Variants in WDR4 observed in about 807,000 individuals in gnomAD.
WDR4 encodes the protein WDR4 tRNA N7-guanosine methyltransferase non-catalytic subunit.
WDR4 carries 47 observed loss-of-function variants against 48.6 expected under a neutral mutation model. The observed-to-expected ratio is 0.97, with a 90% CI of 0.77 to 1.23. WDR4 has a LOEUF of 1.23. Among genes scored for constraint, WDR4 ranks in the 50% most tolerant of loss-of-function variants. The pLI is 0.00. For synonymous variants in WDR4, 268 were observed against 230.0 expected, an observed-to-expected ratio of 1.17 and a Z score of -1.49; for missense variants, 606 against 551.6, an observed-to-expected ratio of 1.10 and a Z score of -0.99.
the WDR4 span, among the ~76,000 whole-genome samples, chr21:42,892,111 G>A: frequency 5.9e-5 from 9 of 151,850 alleles, no homozygotes; most frequent in Admixed American, 2.0e-4. Flanking sequence ...AAATTTAGCC[G>A]GGCGTGGTGG....
intron 10 of WDR4, among the ~76,000 whole-genome samples, chr21:42,850,509 G>A (rs1569311636): frequency 1.3e-5 from 2 of 152,286 alleles, no homozygotes; most frequent in South Asian, 4.1e-4. Context: ...CCTCCACCCC[G>A]CCAGCACTCT....
At chr21:42,845,397 G>A (rs1275434865), downstream of WDR4, among the ~76,000 whole-genome samples, 6 of 152,192 alleles carry the variant, frequency 3.9e-5, no homozygotes, top group South Asian at 2.1e-4. Flanking sequence ...TCTCCTTCCC[G>A]GAGGGGCCCT....
chr21:42,873,331 G>T lies in WDR4; in HGVS notation c.296+220C>A, dbSNP rs553726215. Among the ~76,000 whole-genome samples, 43 of 152,312 alleles carry T rather than the reference G, an allele frequency of 2.8e-4. 1 individual carries two copies. In the South Asian group the frequency reaches 8.5e-3, roughly 30 times the overall value. The stretch of plus-strand genomic sequence containing the variant: ...CTGCTATCTAACTGTTCACCACCCA[G>T]CGTGGGACAGAACAGCACCCCTGCA... On this transcript the variant is annotated intron_variant, in intron 3 of 10. Transcript: ENST00000398208.
Position 42,862,391 on chromosome 21 carries a change from C to A in WDR4, c.457G>T (p.Val153Leu), listed in dbSNP as rs1298264193. 8 of 1,602,308 alleles carry A rather than the reference C, an allele frequency of 5.0e-6. No homozygotes were observed. The highest frequency in any genetic ancestry group is 8.5e-7 in the Non-Finnish European group (1 of 1,174,358). Residue 153 changes from valine to leucine, a missense_variant, in exon 5 of 11, where the codon GTG (valine) becomes TTG (leucine). Transcript: ENST00000398208. The surrounding 1 kb of genome is among the most constrained non-coding windows in gnomAD (Gnocchi z 4.3). Reference sequence around the variant, plus strand: ...AGGATGAAGCGGTCATCAGGACTCACAGCCTGCATCACCAGGGGCCAGAAA... The same window carrying A: ...AGGATGAAGCGGTCATCAGGACTCAAAGCCTGCATCACCAGGGGCCAGAAA... ...GHLSMLLDVA[V>L]SPDDRFILTA...
intron 3 of WDR4, among the ~76,000 whole-genome samples, chr21:42,867,174 T>C (rs1238713722): frequency 6.6e-6 from 1 of 152,174 alleles, no homozygotes; most frequent in Non-Finnish European, 1.5e-5. Flanking sequence ...GCAGATCACC[T>C]GAGGTCAGGA....
At position 42,850,701 on chromosome 21, in the gene WDR4, G is replaced by A. The variant is rs367829713; in HGVS notation, c.1046-459C>T. The stretch of plus-strand genomic sequence containing the variant: ...GGTGAAGCTGAGATGGCCACCTGCA[G>A]AGACACAGCTCAGCTGAGTCCGGAC... On this transcript the variant is annotated intron_variant, in intron 10 of 10. Coordinates refer to ENST00000398208, the MANE Select transcript of WDR4 (RefSeq NM_018669.6). Among the ~76,000 whole-genome samples, 11 of 152,328 alleles carry A rather than the reference G, an allele frequency of 7.2e-5. 1 individual carries two copies. The highest frequency in any genetic ancestry group is 2.4e-5 in the African/African-American group (1 of 41,578).
intron 5 of WDR4, among the ~76,000 whole-genome samples, chr21:42,860,627 A>G (rs906421353): frequency 6.6e-5 from 10 of 152,252 alleles, no homozygotes; most frequent in East Asian, 1.9e-4. Flanking sequence ...ACGGCACCAC[A>G]GCACCAACAG....
chr21:42,889,915 T>G, the WDR4 span, among the ~76,000 whole-genome samples: 7 of 152,104 alleles, frequency 4.6e-5, no homozygotes, highest in African/African-American at 1.7e-4. Context: ...TTATTACTTG[T>G]GTTTTAAAAC....
intron 9 of WDR4, among the ~76,000 whole-genome samples, chr21:42,852,863 C>T (rs2057870993): frequency 6.7e-6 from 1 of 150,006 alleles, no homozygotes. Flanking sequence ...CGCGGTGAGC[C>T]GAGATAGCGC....
At chr21:42,887,215 C>T in the WDR4 span, among the ~76,000 whole-genome samples, 1 of 152,022 alleles carries the variant, frequency 6.6e-6, no homozygotes, top group Non-Finnish European at 1.5e-5. Flanking sequence ...TGGTCTAGAA[C>T]TCCCAACCTC....
intron 4 of WDR4, 95 bp downstream of exon 4, chr21:42,863,345 T>C (rs1241484125): frequency 1.4e-6 from 2 of 1,439,826 alleles, no homozygotes; most frequent in Non-Finnish European, 1.9e-6. Context: ...CTTGACAGGG[T>C]AGACATTGAC....
chr21:42,862,379 C>A lies in WDR4; in HGVS notation c.469G>T (p.Asp157Tyr). 1 of 1,607,784 alleles carries A rather than the reference C, an allele frequency of 6.2e-7. No individual in the cohort carries two copies. Among genetic ancestry groups the A allele is most frequent in the South Asian group, 1.1e-5 (1 of 89,730 alleles). Residue 157 changes from aspartate (D) to tyrosine (Y), a missense_variant, in exon 5 of 11, where the codon GAC (aspartate) becomes TAC (tyrosine). Transcript: ENST00000398208. This position sits in a 1 kb window ranked among gnomAD's most constrained non-coding sequence, Gnocchi z 4.3. ...CGGTCGGCAGTGAGGATGAAGCGGT[C>A]ATCAGGACTCACAGCCTGCATCACC... The part of the protein sequence containing the change: ...MLLDVAVSPD[D>Y]RFILTADRDE...
Position 42,850,176 on chromosome 21 carries a change from TAGG to T in WDR4, c.1109_1111del (p.Ser370del). On this transcript the variant is annotated inframe_deletion, in exon 11 of 11. Transcript: ENST00000398208. Reference sequence around the variant, plus strand: ...CAGTCTCTCCTCTTTCTTCTTCAGGTAGGAGGTCACGTTGTCGAACGTGGCCTT... The same window carrying T: ...CAGTCTCTCCTCTTTCTTCTTCAGGTAGGTCACGTTGTCGAACGTGGCCTT... 2 of 1,613,984 alleles carry T rather than the reference TAGG, an allele frequency of 1.2e-6. No homozygotes were observed. The highest frequency in any genetic ancestry group is 2.2e-5 in the East Asian group (1 of 44,858).
At chr21:42,853,332 AG>A (rs2057885178) in intron 9 of WDR4, among the ~76,000 whole-genome samples, 1 of 152,202 alleles carries the variant, frequency 6.6e-6, no homozygotes, top group Non-Finnish European at 1.5e-5. Context: ...ACCCAAAAAA[AG>A]AACTGTTGCA....
At position 42,862,750 on chromosome 21, in the gene WDR4, GTTGCCTTCC is replaced by G. The variant is rs71906023; in HGVS notation, c.454-365_454-357del. ...GCTGCACCCTCCTGCCCAACACTGG[GTTGCCTTCC>G]TTGCCTTCCTGTCACACATGTCCCC... On this transcript the variant is annotated intron_variant, in intron 4 of 10. Transcript: ENST00000398208. The surrounding 1 kb of genome is among the most constrained non-coding windows in gnomAD (Gnocchi z 4.3). Among the ~76,000 whole-genome samples the G allele has an allele frequency of 0.55, 83,751 of 151,364 alleles. 23,999 individuals are homozygous for G. Among genetic ancestry groups the G allele is most frequent in the African/African-American group, 0.7 (28,751 of 41,174 alleles).
At chr21:42,851,519 C>T (rs975463764) in intron 10 of WDR4, among the ~76,000 whole-genome samples, 6 of 152,204 alleles carry the variant, frequency 3.9e-5, no homozygotes, top group Admixed American at 3.3e-4. Context: ...TGCAAGACTT[C>T]AGAGCAGCAA....
chr21:42,857,613 G>A (rs188035026), intron 6 of WDR4, among the ~76,000 whole-genome samples: 25 of 152,294 alleles, frequency 1.6e-4, no homozygotes, highest in African/African-American at 4.6e-4. Context: ...TAAGAGACAC[G>A]TGCACTATCC....
At chr21:42,848,979 G>A (rs1159090817), downstream of WDR4, among the ~76,000 whole-genome samples, 1 of 131,414 alleles carries the variant, frequency 7.6e-6, no homozygotes, top group Non-Finnish European at 1.6e-5. Flanking sequence ...CACAGCACAC[G>A]ATCACGCAGC....
At chr21:42,852,377 C>A in intron 9 of WDR4, 53 bp from the exon 10 acceptor site, 2 of 1,594,386 alleles carry the variant, frequency 1.3e-6, no homozygotes, top group South Asian at 2.2e-5. Context: ...CCTGGAAACC[C>A]AGCACCAGGA....
Sources: gnomAD v4.1 joint callset for allele counts (sites outside exome capture counted in the v4.1 genomes callset) on GRCh38, gnomAD v4.1.1 for gene constraint, Gnocchi (gnomAD v3.1) non-coding constraint, MANE v1.5 for transcripts, NCBI Gene and HGNC (gene_info 2026-07-23, HGNC 2026-07-21) for gene names.